Variants in PDE4D observed in about 807,000 individuals in gnomAD.
PDE4D encodes 3',5'-cyclic-AMP phosphodiesterase 4D.
In PDE4D, 24 loss-of-function variants were observed where a neutral mutation model predicts 87.4. The observed-to-expected ratio is 0.27, with a 90% CI of 0.20 to 0.39. The LOEUF (loss-of-function observed/expected upper bound fraction) is 0.39, where lower values mean the gene tolerates loss of function less well. PDE4D is among the 10% of genes least tolerant of loss of function. The probability of loss-of-function intolerance (pLI) is 1.00; values close to 1 mark genes in which losing one functional copy is unlikely to be tolerated. For synonymous variants in PDE4D, 384 were observed against 383.2 expected (o/e 1.00, Z -0.02); for missense variants, 714 against 1,041.0 (o/e 0.69, Z 4.32).
At chr5:59,299,836 G>A (rs1034499532) in intron 1 of PDE4D, among the ~76,000 whole-genome samples, 10 of 152,130 alleles carry the variant, frequency 6.6e-5, no homozygotes, top group Admixed American at 5.2e-4. Flanking sequence ...TCGCCCAGGC[G>A]CAGTGGCTCA....
intron 1 of PDE4D, among the ~76,000 whole-genome samples, chr5:60,238,607 T>C (rs1241089618): frequency 6.6e-6 from 1 of 152,038 alleles, no homozygotes; most frequent in African/African-American, 2.4e-5. Context: ...ACTTGATTAC[T>C]AGTGAGCTAA....
chr5:59,086,245 T>C (rs896529469), intron 5 of PDE4D, among the ~76,000 whole-genome samples: 13 of 152,162 alleles, frequency 8.5e-5, no homozygotes, highest in Non-Finnish European at 1.9e-4. Context: ...TGGCTTCTTG[T>C]ATAAATCTGA....
At chr5:59,402,841 C>CT (rs1025172362) in intron 1 of PDE4D, among the ~76,000 whole-genome samples, 3 of 152,054 alleles carry the variant, frequency 2.0e-5, no homozygotes, top group African/African-American at 7.2e-5. Flanking sequence ...ATTTCACACT[C>CT]TTTCACCATT....
chr5:60,110,579 G>A (rs138705822), intron 2 of PDE4D, among the ~76,000 whole-genome samples: 1,768 of 152,152 alleles, frequency 0.012, 13 homozygotes, highest in Non-Finnish European at 0.02. Context: ...TAGCCATTAT[G>A]GAAAACAATC....
At chr5:59,782,195 A>G (rs947974781) in intron 1 of PDE4D, among the ~76,000 whole-genome samples, 3 of 152,182 alleles carry the variant, frequency 2.0e-5, no homozygotes, top group African/African-American at 7.2e-5. Context: ...TTTTCACCAT[A>G]TAGACATCCT....
chr5:59,728,273 T>C (rs892491749), intron 1 of PDE4D, among the ~76,000 whole-genome samples: 14 of 152,086 alleles, frequency 9.2e-5, no homozygotes, highest in Non-Finnish European at 1.9e-4. Context: ...GGGAACATAG[T>C]ATAATACAAA....
chr5:59,328,084 T>C (rs1426515628), intron 1 of PDE4D, among the ~76,000 whole-genome samples: 1 of 152,154 alleles, frequency 6.6e-6, no homozygotes, highest in Non-Finnish European at 1.5e-5. Flanking sequence ...AAGAAAAATA[T>C]ATAACAAAAA....
chr5:59,809,912 C>T (rs1220250007), intron 1 of PDE4D, among the ~76,000 whole-genome samples: 2 of 151,888 alleles, frequency 1.3e-5, no homozygotes, highest in Non-Finnish European at 2.9e-5. Flanking sequence ...GGGAACCCCT[C>T]GATTGCTTTA....
At chr5:59,820,388 T>G (rs1769498487) in intron 1 of PDE4D, among the ~76,000 whole-genome samples, 1 of 152,248 alleles carries the variant, frequency 6.6e-6, no homozygotes, top group Non-Finnish European at 1.5e-5. Context: ...TCACTTTTGC[T>G]GAACTTCAGA....
chr5:59,897,983 T>C (rs1285348606), upstream of PDE4D, among the ~76,000 whole-genome samples: 1 of 152,194 alleles, frequency 6.6e-6, no homozygotes, highest in African/African-American at 2.4e-5. Flanking sequence ...TACAAGATAA[T>C]ATTGTCAGTA....
intron 1 of PDE4D, among the ~76,000 whole-genome samples, chr5:59,825,819 T>C (rs975185757): frequency 3.3e-5 from 5 of 152,202 alleles, no homozygotes; most frequent in Non-Finnish European, 7.4e-5. Flanking sequence ...CCCCTCATCT[T>C]GGTCCTGAGA....
At chr5:59,310,988 C>T (rs576473224) in intron 1 of PDE4D, among the ~76,000 whole-genome samples, 1 of 152,226 alleles carries the variant, frequency 6.6e-6, no homozygotes, top group East Asian at 1.9e-4. Context: ...GAAAGGAAAA[C>T]CATTTCATTG....
intron 1 of PDE4D, among the ~76,000 whole-genome samples, chr5:59,351,972 G>C (rs927220581): frequency 6.6e-6 from 1 of 152,098 alleles, no homozygotes; most frequent in Non-Finnish European, 1.5e-5. Flanking sequence ...AGGTGGGAGA[G>C]GGACCAGGAG....
intron 1 of PDE4D, among the ~76,000 whole-genome samples, chr5:59,649,917 T>C (rs1303122862): frequency 1.6e-5 from 2 of 127,752 alleles, no homozygotes; most frequent in African/African-American, 5.8e-5. Context: ...TTTTTTTTTT[T>C]TTTTTTTTTT....
At chr5:59,620,504 G>T (rs1830224064) in intron 1 of PDE4D, among the ~76,000 whole-genome samples, 1 of 152,146 alleles carries the variant, frequency 6.6e-6, no homozygotes, top group South Asian at 2.1e-4. Flanking sequence ...AGCAGTTCTG[G>T]CTGATGACAA....
chr5:60,105,871 A>G (rs111845135), intron 2 of PDE4D, among the ~76,000 whole-genome samples: 329 of 152,334 alleles, frequency 2.2e-3, no homozygotes, highest in African/African-American at 7.6e-3. Flanking sequence ...TAAATATGGA[A>G]AGGAACAACC....
At chr5:59,205,618 C>T (rs1748576212) in intron 2 of PDE4D, among the ~76,000 whole-genome samples, 1 of 150,432 alleles carries the variant, frequency 6.6e-6, no homozygotes, top group African/African-American at 2.4e-5. Context: ...TTCTGCAAGA[C>T]TCTCGGTGCT....
intron 1 of PDE4D, among the ~76,000 whole-genome samples, chr5:59,876,410 G>A (rs1216409573): frequency 6.6e-6 from 1 of 152,126 alleles, no homozygotes; most frequent in Non-Finnish European, 1.5e-5. Context: ...GACCTGGTAA[G>A]TGCTACCATC....
chr5:60,247,324 C>T (rs1011166947), intron 1 of PDE4D, among the ~76,000 whole-genome samples: 4 of 151,948 alleles, frequency 2.6e-5, no homozygotes, highest in Non-Finnish European at 4.4e-5. Flanking sequence ...CAAGATTAGA[C>T]ATGCAGTATT....
Sources: gnomAD v4.1 joint callset for allele counts (sites outside exome capture counted in the v4.1 genomes callset) on GRCh38, gnomAD v4.1.1 for gene constraint, MANE v1.5 for transcripts, NCBI Gene and HGNC (gene_info 2026-07-23, HGNC 2026-07-21) for gene names.